UBE2E1: variants seen among roughly 807,000 people sequenced by gnomAD.
UBE2E1 encodes the protein ubiquitin conjugating enzyme E2 E1.
UBE2E1 carries 6 observed loss-of-function variants against 21.4 expected under a neutral mutation model. That is an observed-to-expected ratio of 0.28 (90% CI 0.15 to 0.55). The LOEUF is 0.55. Among genes scored for constraint, UBE2E1 ranks in the 20% least tolerant of loss-of-function variants. The probability of loss-of-function intolerance (pLI) is 0.93; values close to 1 mark genes in which losing one functional copy is unlikely to be tolerated. For synonymous variants in UBE2E1, 87 were observed against 82.7 expected (o/e 1.05, Z -0.28); for missense variants, 142 against 236.5 (o/e 0.60, Z 2.62).
chr3:23,880,982 A>T (rs1390131696), intron 3 of UBE2E1, among the ~76,000 whole-genome samples: 1 of 152,244 alleles, frequency 6.6e-6, no homozygotes, highest in Non-Finnish European at 1.5e-5. Context: ...TATACTTATC[A>T]ATATAATATT....
In UBE2E1 at chr3:23,810,377, T is replaced by C; in HGVS notation, c.153-1083T>C. On this transcript the variant is annotated intron_variant, in intron 2 of 5. Coordinates refer to ENST00000306627, the MANE Select transcript of UBE2E1 (RefSeq NM_003341.5). The surrounding 1 kb of genome is among the most constrained non-coding windows in gnomAD (Gnocchi z 5.8). The stretch of plus-strand genomic sequence containing the variant: ...TGAACTGCCTGGTGGCTTCGGCCTA[T>C]GAGTGGGGGATGGGGCCCTTTGTGA... The C allele has an allele frequency of 1.3e-6, 2 of 1,505,336 alleles. No individual in the cohort carries two copies. The highest frequency in any genetic ancestry group is 1.8e-6 in the Non-Finnish European group (2 of 1,120,814). The allele number at this position is 1,505,336 out of a possible 1,614,324, so 93.2% of individuals were successfully genotyped here. A position where few individuals can be genotyped will look rare whatever the true frequency, so the allele number is the denominator to read the frequency against.
chr3:23,889,098 CTTG>C lies in UBE2E1; in HGVS notation c.337-11_337-9del, dbSNP rs751062396. On this transcript the variant is annotated splice_polypyrimidine_tract_variant and intron_variant, in intron 4 of 5. Transcript: ENST00000306627. ...TTTGCTGTTTAAATATTGTCTGTCACTTGTTTTTTTTAGGTTACATTTCGGACA... is the reference window on the plus strand; with the variant it reads ...TTTGCTGTTTAAATATTGTCTGTCACTTTTTTTTAGGTTACATTTCGGACA... 14 of 1,585,768 alleles carry C rather than the reference CTTG, an allele frequency of 8.8e-6. No individual in the cohort carries two copies. The highest frequency in any genetic ancestry group is 2.3e-5 in the South Asian group (2 of 86,928).
intron 3 of UBE2E1, among the ~76,000 whole-genome samples, chr3:23,878,661 T>C (rs1462137983): frequency 6.6e-6 from 1 of 152,194 alleles, no homozygotes; most frequent in African/African-American, 2.4e-5. Flanking sequence ...GCAAACCCTA[T>C]TGTGAACTGC....
At chr3:23,838,593 T>G (rs867410816) in intron 3 of UBE2E1, among the ~76,000 whole-genome samples, 106 of 151,972 alleles carry the variant, frequency 7.0e-4, no homozygotes, top group Admixed American at 1.4e-3. Context: ...CCTGCAGGGT[T>G]CAGGAGATTT....
At position 23,853,129 on chromosome 3, in the gene UBE2E1, G is replaced by C. The variant is rs1178588241; in HGVS notation, c.204-34438G>C. 1.3e-5 allele frequency among the ~76,000 whole-genome samples: 2 copies of C among 152,108 alleles called. No homozygotes were observed. The highest frequency in any genetic ancestry group is 2.9e-5 in the Non-Finnish European group (2 of 68,018). ...GCTGGTCTCGAACTCCCAACCTCAG[G>C]TGATCTGCCCACCTTGGCCTCCCAG... On this transcript the variant is annotated intron_variant, in intron 3 of 5. Coordinates refer to ENST00000306627, the MANE Select transcript of UBE2E1 (RefSeq NM_003341.5). The surrounding 1 kb of genome is among the most constrained non-coding windows in gnomAD (Gnocchi z 4.1).
chr3:23,851,028 T>A (rs1700313903), intron 3 of UBE2E1, among the ~76,000 whole-genome samples: 1 of 152,102 alleles, frequency 6.6e-6, no homozygotes, highest in South Asian at 2.1e-4. Flanking sequence ...TTTTAGTTTT[T>A]CGATTTGGAT....
At chr3:23,889,965 CAAATAT>C (rs1448318612) in intron 5 of UBE2E1, 1 of 155,074 alleles carries the variant, frequency 6.4e-6, no homozygotes, top group African/African-American at 2.4e-5. Context: ...CTAGGTAAAC[CAAATAT>C]AAATTTATTA....
chr3:23,809,538 G>A (rs1699342502), intron 2 of UBE2E1, among the ~76,000 whole-genome samples: 1 of 152,234 alleles, frequency 6.6e-6, no homozygotes, highest in Non-Finnish European at 1.5e-5. Flanking sequence ...TCTGGAAATA[G>A]GTATGAGTTA....
intron 5 of UBE2E1, chr3:23,889,854 C>T: frequency 4.4e-6 from 3 of 678,256 alleles, no homozygotes; most frequent in Non-Finnish European, 5.5e-6. Context: ...CATGTCACTG[C>T]ACTGCATTCC....
intron 3 of UBE2E1, among the ~76,000 whole-genome samples, chr3:23,821,111 T>C (rs1405587995): frequency 6.6e-6 from 1 of 152,256 alleles, no homozygotes; most frequent in Non-Finnish European, 1.5e-5. Context: ...TGTAGGTGAC[T>C]AAAACAGACC....
chr3:23,883,732 A>G (rs1016443056), intron 3 of UBE2E1, among the ~76,000 whole-genome samples: 1 of 152,130 alleles, frequency 6.6e-6, no homozygotes, highest in South Asian at 2.1e-4. Context: ...TCTAGCCAAT[A>G]TGGTGAAACC....
At position 23,808,128 on chromosome 3, in the gene UBE2E1, A is replaced by G. The variant is rs1410863489; in HGVS notation, c.152+707A>G. ...TGCTGTGAAAATGTTACTTTGCCTT[A>G]TTTTTTCAATTTAAGTGGTCTCCCT... On this transcript the variant is annotated intron_variant, in intron 2 of 5. Transcript: ENST00000306627. The surrounding 1 kb of genome is among the most constrained non-coding windows in gnomAD (Gnocchi z 4.9). Among the ~76,000 whole-genome samples the G allele has an allele frequency of 6.6e-6, 1 of 151,852 alleles. No homozygotes were observed. The highest frequency in any genetic ancestry group is 1.5e-5 in the Non-Finnish European group (1 of 67,956).
chr3:23,858,429 C>T (rs58112854), intron 3 of UBE2E1, among the ~76,000 whole-genome samples: 2,116 of 152,232 alleles, frequency 0.014, 55 homozygotes, highest in African/African-American at 0.049. Flanking sequence ...AAGCAATTCT[C>T]CTGCCTCAGC....
intron 5 of UBE2E1, chr3:23,889,776 G>A: frequency 1.0e-6 from 1 of 984,986 alleles, no homozygotes; most frequent in Non-Finnish European, 1.2e-6. Flanking sequence ...TGTAGTCACA[G>A]CTACTAGGGT....
Position 23,870,297 on chromosome 3 carries a change from G to A in UBE2E1, c.204-17270G>A, listed in dbSNP as rs139277548. Among the ~76,000 whole-genome samples the A allele has an allele frequency of 6.3e-3, 959 of 152,216 alleles. 11 individuals carry two copies. The highest frequency in any genetic ancestry group is 0.022 in the African/African-American group (902 of 41,524). ...CCATAGCTCCTTTTTTTAAAAAAAGGAGCCAGTTGTGAAGTCACACTTATA... is the reference window on the plus strand; with the variant it reads ...CCATAGCTCCTTTTTTTAAAAAAAGAAGCCAGTTGTGAAGTCACACTTATA... On this transcript the variant is annotated intron_variant, in intron 3 of 5. Transcript: ENST00000306627. This position sits in a 1 kb window ranked among gnomAD's most constrained non-coding sequence, Gnocchi z 4.2.
chr3:23,850,135 T>C (rs887097539), intron 3 of UBE2E1, among the ~76,000 whole-genome samples: 5 of 152,214 alleles, frequency 3.3e-5, no homozygotes, highest in African/African-American at 1.2e-4. Context: ...GGCTTTTTAA[T>C]GGCTGAATTT....
intron 3 of UBE2E1, among the ~76,000 whole-genome samples, chr3:23,841,076 C>G (rs1406349677): frequency 6.6e-6 from 1 of 152,144 alleles, no homozygotes; most frequent in African/African-American, 2.4e-5. Context: ...GAAAACAATA[C>G]TTTCATGCTG....
chr3:23,849,905 G>T (rs1013523220), intron 3 of UBE2E1, among the ~76,000 whole-genome samples: 1 of 151,950 alleles, frequency 6.6e-6, no homozygotes, highest in African/African-American at 2.4e-5. Flanking sequence ...TGGTATTTCT[G>T]GCTCTAGATC....
At position 23,846,723 on chromosome 3, in the gene UBE2E1, A is replaced by G. The variant is rs553737355; in HGVS notation, c.203+35213A>G. 4.7e-3 allele frequency among the ~76,000 whole-genome samples: 651 copies of G among 137,414 alleles called. 5 individuals carry two copies. Among genetic ancestry groups the G allele is most frequent in the Admixed American group, 8.3e-3 (112 of 13,570 alleles). The allele number at this position is 137,414 out of a possible 152,430, so 90.1% of individuals were successfully genotyped here. Reference sequence around the variant, plus strand: ...CAAAAAAAAAAAAAAAAAAAAGGGAATGGGTAATAGAGATGGAAAATGGAA... The same window carrying G: ...CAAAAAAAAAAAAAAAAAAAAGGGAGTGGGTAATAGAGATGGAAAATGGAA... On this transcript the variant is annotated intron_variant, in intron 3 of 5. Transcript: ENST00000306627.
Sources: allele counts gnomAD v4.1 joint callset (sites outside exome capture counted in the v4.1 genomes callset), GRCh38; gene constraint gnomAD v4.1.1; non-coding constraint Gnocchi (gnomAD v3.1); transcripts MANE v1.5; gene names NCBI Gene and HGNC (gene_info 2026-07-23, HGNC 2026-07-21).